Variants in ZNF398 observed in about 807,000 individuals in gnomAD.
ZNF398 encodes the protein zinc finger protein 398.
A neutral mutation model predicts 41.9 loss-of-function variants in ZNF398; 18 were observed. The ratio of observed to expected loss-of-function variants is 0.43; its 90% CI spans 0.30 to 0.64. ZNF398 has a LOEUF of 0.64. ZNF398 is among the 30% of genes least tolerant of loss of function. ZNF398 has a pLI of 0.14. For synonymous variants in ZNF398, 260 were observed against 308.8 expected (o/e 0.84, Z 1.66); for missense variants, 669 against 822.8 (o/e 0.81, Z 2.29).
intron 4 of ZNF398, among the ~76,000 whole-genome samples, chr7:149,170,534 G>T (rs1396225837): frequency 6.6e-6 from 1 of 152,116 alleles, no homozygotes; most frequent in Admixed American, 6.5e-5. Flanking sequence ...AGGAGATAGA[G>T]ACCATTCTGG....
chr7:149,139,865 C>T (rs1195647530), intron 2 of ZNF398, among the ~76,000 whole-genome samples: 2 of 151,558 alleles, frequency 1.3e-5, no homozygotes, highest in African/African-American at 2.4e-5. Flanking sequence ...ATTAGCCGGG[C>T]GTGGTGGCGG....
chr7:149,133,227 T>G (rs1826634315), intron 2 of ZNF398, among the ~76,000 whole-genome samples: 1 of 151,978 alleles, frequency 6.6e-6, no homozygotes, highest in South Asian at 2.1e-4. Context: ...GCGATTCTCC[T>G]GCCTTAGCCT....
rs201932550 is a variant in ZNF398, at chr7:149,154,211, C to T, written c.291C>T (p.Ala97=). 85 of 1,614,108 alleles carry T rather than the reference C, an allele frequency of 5.3e-5. No homozygotes were observed. The East Asian group carries it at 1.3e-3, about 25-fold the overall frequency. ...ELGNQLEGKW[A]VLGTLLQEYG... is the part of the protein sequence containing the mutation. ...GGAACCAGCTGGAGGGCAAGTGGGCCGTGCTGGGAACCCTGCTGCAGGAGT... is the reference window on the plus strand; with the variant it reads ...GGAACCAGCTGGAGGGCAAGTGGGCTGTGCTGGGAACCCTGCTGCAGGAGT... Residue 97 remains alanine, a synonymous_variant, in exon 2 of 6, where the codon GCC becomes GCT. Coordinates refer to ENST00000475153, the MANE Select transcript of ZNF398 (RefSeq NM_170686.3).
intron 4 of ZNF398, among the ~76,000 whole-genome samples, chr7:149,175,753 C>T (rs1337508709): frequency 1.3e-5 from 2 of 152,068 alleles, no homozygotes; most frequent in Admixed American, 1.3e-4. Context: ...GGTGCGATCT[C>T]GGCTCACTGC....
intron 1 of ZNF398, among the ~76,000 whole-genome samples, chr7:149,148,757 G>A (rs1827027362): frequency 6.6e-6 from 1 of 151,556 alleles, no homozygotes; most frequent in Non-Finnish European, 1.5e-5. Flanking sequence ...CCAACCCGCG[G>A]CCCCCAGGCC....
chr7:149,159,536 TACCCG>T (rs1482477496), intron 2 of ZNF398, among the ~76,000 whole-genome samples: 1 of 151,486 alleles, frequency 6.6e-6, no homozygotes. Flanking sequence ...TAGTCCCAGC[TACCCG>T]GGAGGCTGAG....
At chr7:149,178,207 G>A (rs1368236740) in intron 5 of ZNF398, among the ~76,000 whole-genome samples, 1 of 151,956 alleles carries the variant, frequency 6.6e-6, no homozygotes, top group East Asian at 1.9e-4. Flanking sequence ...CAGGAGAATG[G>A]CGTGAACCCG....
At chr7:149,167,997 A>C (rs1276761411) in intron 4 of ZNF398, among the ~76,000 whole-genome samples, 3 of 152,134 alleles carry the variant, frequency 2.0e-5, no homozygotes, top group African/African-American at 7.2e-5. Context: ...CAGCGCCTAA[A>C]TTCTGCCACT....
chr7:149,172,595 T>C (rs1795370656), intron 4 of ZNF398, among the ~76,000 whole-genome samples: 1 of 152,234 alleles, frequency 6.6e-6, no homozygotes, highest in African/African-American at 2.4e-5. Flanking sequence ...GGAAGTTACA[T>C]GCTGAGGTTG....
At chr7:149,135,583 G>A (rs890763504) in intron 2 of ZNF398, among the ~76,000 whole-genome samples, 4 of 151,870 alleles carry the variant, frequency 2.6e-5, no homozygotes, top group Non-Finnish European at 5.9e-5. Context: ...AGTGATGGAT[G>A]CACCAAATCC....
At chr7:149,141,039 CAAAAAAAAAA>C (rs60228279) in intron 2 of ZNF398, among the ~76,000 whole-genome samples, 6 of 120,162 alleles carry the variant, frequency 5.0e-5, no homozygotes, top group African/African-American at 1.3e-4. Flanking sequence ...CAGCCTGTCT[CAAAAAAAAAA>C]AAAAAAAAAA....
chr7:149,129,809 T>C (rs910024414), intron 2 of ZNF398, among the ~76,000 whole-genome samples: 3 of 152,204 alleles, frequency 2.0e-5, no homozygotes, highest in Non-Finnish European at 4.4e-5. Flanking sequence ...ATTTATTTAT[T>C]TATTTTTTGA....
intron 2 of ZNF398, among the ~76,000 whole-genome samples, chr7:149,156,405 G>C (rs1356764494): frequency 6.6e-6 from 1 of 150,932 alleles, no homozygotes; most frequent in Non-Finnish European, 1.5e-5. Flanking sequence ...TACTTGGGAG[G>C]CTGAGGCAGG....
At chr7:149,148,704 A>C (rs986406969) in intron 1 of ZNF398, among the ~76,000 whole-genome samples, 1 of 152,056 alleles carries the variant, frequency 6.6e-6, no homozygotes, top group African/African-American at 2.4e-5. Flanking sequence ...TGGCTAATAG[A>C]AATATAAGGG....
chr7:149,169,379 C>T (rs2129521344), intron 4 of ZNF398, among the ~76,000 whole-genome samples: 1 of 152,320 alleles, frequency 6.6e-6, no homozygotes, highest in Middle Eastern at 3.4e-3. Flanking sequence ...GCCACCGTGC[C>T]TGGCCTGTTA....
At chr7:149,160,362 C>T (rs193012918) in intron 2 of ZNF398, among the ~76,000 whole-genome samples, 5 of 152,200 alleles carry the variant, frequency 3.3e-5, no homozygotes, top group East Asian at 3.9e-4. Context: ...ACCTGGGAAG[C>T]GGAGCTTGCA....
At chr7:149,177,673 G>A (rs1247143115) in intron 5 of ZNF398, among the ~76,000 whole-genome samples, 1 of 152,180 alleles carries the variant, frequency 6.6e-6, no homozygotes, top group Non-Finnish European at 1.5e-5. Flanking sequence ...ACAGTGATGG[G>A]TTGATCTGAT....
chr7:149,158,462 T>C (rs1178582047), intron 2 of ZNF398, among the ~76,000 whole-genome samples: 1 of 152,188 alleles, frequency 6.6e-6, no homozygotes, highest in Non-Finnish European at 1.5e-5. Context: ...TGGAGCCGTT[T>C]CTCATAGAGA....
chr7:149,135,355 A>G (rs1389788196), intron 2 of ZNF398, among the ~76,000 whole-genome samples: 1 of 137,672 alleles, frequency 7.3e-6, no homozygotes, highest in Non-Finnish European at 1.5e-5. Context: ...GCGCCACTGC[A>G]CTCCAGCCTG....
Sources: gnomAD v4.1 joint callset for allele counts (sites outside exome capture counted in the v4.1 genomes callset) on GRCh38, gnomAD v4.1.1 for gene constraint, MANE v1.5 for transcripts, NCBI Gene and HGNC (gene_info 2026-07-23, HGNC 2026-07-21) for gene names.